Variants in PKD1L3 observed in about 807,000 individuals in gnomAD.
PKD1L3 encodes polycystin 1 like 3, transient receptor potential channel interacting.
In PKD1L3, 239 loss-of-function variants were observed where a neutral mutation model predicts 184.1. The observed-to-expected ratio is 1.30, with a 90% CI of 1.17 to 1.45. The LOEUF is 1.45. Among genes scored for constraint, PKD1L3 ranks in the 40% most tolerant of loss-of-function variants. The pLI is 0.00. For missense variants in PKD1L3, 2,660 were observed against 2,067.2 expected, an observed-to-expected ratio of 1.29 and a Z score of -5.56; for synonymous variants, 996 against 778.8, an observed-to-expected ratio of 1.28 and a Z score of -4.64.
At chr16:71,999,232 C>G (rs2143925703) in intron 1 of PKD1L3, among the ~76,000 whole-genome samples, 1 of 148,184 alleles carries the variant, frequency 6.7e-6, no homozygotes, top group South Asian at 2.1e-4. Context: ...GATGGCACCA[C>G]TGCACTCCAG....
At chr16:71,973,637 A>G (rs2039806390) in intron 11 of PKD1L3, 120 bp from the exon 12 acceptor site, 2 of 946,110 alleles carry the variant, frequency 2.1e-6, no homozygotes, top group Non-Finnish European at 3.1e-6. Flanking sequence ...AACTAGAGTC[A>G]CAAATGATTT....
chr16:71,954,560 TA>T (rs1266673803), intron 16 of PKD1L3, among the ~76,000 whole-genome samples: 1 of 152,214 alleles, frequency 6.6e-6, no homozygotes, highest in Non-Finnish European at 1.5e-5. Context: ...TATGCGAGTT[TA>T]AAATTAAAAA....
intron 16 of PKD1L3, among the ~76,000 whole-genome samples, chr16:71,955,422 G>A (rs1431085038): frequency 6.6e-6 from 1 of 152,024 alleles, no homozygotes; most frequent in Non-Finnish European, 1.5e-5. Flanking sequence ...GGGCTACAGA[G>A]AGACTCCATC....
chr16:71,949,703 A>G (rs1961158635), intron 21 of PKD1L3, 80 bp downstream of exon 21: 1 of 1,270,704 alleles, frequency 7.9e-7, no homozygotes, highest in Non-Finnish European at 1.1e-6. Flanking sequence ...CAAAACCACT[A>G]GGCACCTTGG....
At position 71,984,845 on chromosome 16, in the gene PKD1L3, C is replaced by T. The variant is rs146616995; in HGVS notation, c.835-678G>A. Among the ~76,000 whole-genome samples the T allele has an allele frequency of 3.2e-3, 486 of 152,088 alleles. 1 individual carries two copies. Among genetic ancestry groups the T allele is most frequent in the Non-Finnish European group, 4.8e-3 (326 of 67,980 alleles). On this transcript the variant is annotated intron_variant, in intron 5 of 29. Transcript: ENST00000620267. Reference sequence around the variant, plus strand: ...CTGCACTCCAGCCTGGGCGACAGATCGAGAATCTGTCTCAAAAAAAGAGTC... The same window carrying T: ...CTGCACTCCAGCCTGGGCGACAGATTGAGAATCTGTCTCAAAAAAAGAGTC...
rs1166639793 is a variant in PKD1L3 at position 71,977,390 on chromosome 16, T to C, written c.1605A>G (p.Thr535=). The C allele has an allele frequency of 6.4e-7, 1 of 1,551,580 alleles. No homozygotes were observed. Among genetic ancestry groups the C allele is most frequent in the African/African-American group, 1.4e-5 (1 of 73,156 alleles). ...ATTTCTCCAAGGAAGTGACGTTCAC[T>C]GTGATTGTAAGCTGATGTGTGCTCA... ...LNMSTHQLTI[T]VNVTSLEKSL... is the part of the protein sequence containing the mutation. Residue 535 remains threonine, a synonymous_variant, in exon 11 of 30, where the codon ACA becomes ACG. Coordinates refer to ENST00000620267, the MANE Select transcript of PKD1L3 (RefSeq NM_181536.2).
In PKD1L3 at chr16:71,991,654, G is replaced by A. The variant is rs145508738; in HGVS notation, c.536-1325C>T. On this transcript the variant is annotated intron_variant, in intron 3 of 29. Coordinates refer to ENST00000620267, the MANE Select transcript of PKD1L3 (RefSeq NM_181536.2). Reference sequence around the variant, plus strand: ...AGGGTAGGAAGCAGCAATATGGCACGTAGATATCTGGTATTTCCTAAGGAC... The same window carrying A: ...AGGGTAGGAAGCAGCAATATGGCACATAGATATCTGGTATTTCCTAAGGAC... Among the ~76,000 whole-genome samples, 488 of 152,292 alleles carry A rather than the reference G, an allele frequency of 3.2e-3. 3 individuals carry two copies. Among genetic ancestry groups the A allele is most frequent in the African/African-American group, 0.01 (418 of 41,568 alleles).
At chr16:71,954,390 CAT>C (rs1389013221) in intron 16 of PKD1L3, 89 bp from the exon 17 acceptor site, 10 of 973,502 alleles carry the variant, frequency 1.0e-5, no homozygotes, top group African/African-American at 1.7e-5. Context: ...CAACAAGCGA[CAT>C]AGCAACTCCC....
chr16:71,953,231 C>A, intron 17 of PKD1L3, 138 bp from the exon 18 acceptor site: 2 of 731,312 alleles, frequency 2.7e-6, no homozygotes, highest in Non-Finnish European at 4.2e-6. Context: ...GCAGTAAAGA[C>A]CATGTTGTGT....
intron 15 of PKD1L3, among the ~76,000 whole-genome samples, chr16:71,966,398 T>C (rs960519719): frequency 2.6e-5 from 4 of 151,556 alleles, no homozygotes; most frequent in Non-Finnish European, 4.4e-5. Context: ...ATACAGTAAT[T>C]CTTTCTCCTT....
At chr16:71,932,988 C>CT (rs2038040223) in intron 28 of PKD1L3, among the ~76,000 whole-genome samples, 1 of 151,862 alleles carries the variant, frequency 6.6e-6, no homozygotes, top group African/African-American at 2.4e-5. Flanking sequence ...GACAAAGTCT[C>CT]TATGTTGCCC....
At position 71,929,543 on chromosome 16, in the gene PKD1L3, GT is replaced by G. The variant is rs2037842412; in HGVS notation, c.5193del (p.Pro1732LeufsTer?). 6.4e-7 allele frequency: 1 copy of G among 1,550,604 alleles called. No individual in the cohort carries two copies. On this transcript the variant is annotated frameshift_variant, in exon 30 of 30. Coordinates refer to ENST00000620267, the MANE Select transcript of PKD1L3 (RefSeq NM_181536.2). LOFTEE classifies it high-confidence loss of function. The part of the protein sequence containing the change: ...VGSDTEVLDE[L>X]P ...CCAAGTAGGAGATAACAGGATTAAG[GT>G]AGTTCATCTAAAACTTCAGTGTCAC...
intron 2 of PKD1L3, among the ~76,000 whole-genome samples, chr16:71,994,550 G>A (rs562558974): frequency 6.6e-6 from 1 of 151,856 alleles, no homozygotes; most frequent in Non-Finnish European, 1.5e-5. Context: ...TATTTCTTCT[G>A]CCTTAAAAAA....
chr16:71,981,980 G>A (rs117325358), intron 7 of PKD1L3, 79 bp downstream of exon 7: 14,404 of 1,348,260 alleles, frequency 0.011, 93 homozygotes, highest in Non-Finnish European at 0.012. Flanking sequence ...AAAGGTCTGG[G>A]GAGAGGCTGT....
chr16:71,942,770 T>C lies in PKD1L3; in HGVS notation c.4114A>G (p.Thr1372Ala). The change falls in exon 24 of 30, where the codon ACC (threonine) becomes GCC (alanine). Residue 1372 changes from threonine to alanine, a missense_variant. Coordinates refer to ENST00000620267, the MANE Select transcript of PKD1L3 (RefSeq NM_181536.2). ...GVQLIFQIPR[T>A]KTYEKVDEGQ... ...TCGTCCACTTTCTCATAGGTCTTGGTACGGGGTATTTGGAAAATTAATTGT... is the reference window on the plus strand; with the variant it reads ...TCGTCCACTTTCTCATAGGTCTTGGCACGGGGTATTTGGAAAATTAATTGT... The C allele has an allele frequency of 1.9e-6, 3 of 1,551,712 alleles. No individual in the cohort carries two copies. Among genetic ancestry groups the C allele is most frequent in the Non-Finnish European group, 2.6e-6 (3 of 1,146,994 alleles).
At chr16:71,948,454 C>G (rs970314106) in intron 21 of PKD1L3, among the ~76,000 whole-genome samples, 12 of 152,250 alleles carry the variant, frequency 7.9e-5, no homozygotes, top group African/African-American at 2.9e-4. Flanking sequence ...CTCCCAACCT[C>G]AAGTGATCTG....
In PKD1L3 at chr16:71,933,938, G is replaced by A. The variant is rs1366647569; in HGVS notation, c.4801C>T (p.Leu1601=). The change falls in exon 27 of 30, where the codon CTG becomes TTG. Residue 1601 remains leucine, a synonymous_variant. Transcript: ENST00000620267. The part of the protein sequence containing the change: ...VVGFLLIILI[L]LTGYAIAFNL... ...ACGGCAATGGCATAGCCTGTCAGCA[G>A]GATTAGGATGATCAGCAGAAAGCCC... 6.4e-7 allele frequency: 1 copy of A among 1,551,458 alleles called. No homozygotes were observed. Among genetic ancestry groups the A allele is most frequent in the Non-Finnish European group, 8.7e-7 (1 of 1,146,924 alleles).
intron 25 of PKD1L3, among the ~76,000 whole-genome samples, chr16:71,935,952 T>C (rs933478442): frequency 3.3e-5 from 5 of 152,006 alleles, no homozygotes; most frequent in African/African-American, 1.2e-4. Flanking sequence ...CATGCCACCA[T>C]GCCCGGCTAA....
chr16:71,933,896 C>T lies in PKD1L3; in HGVS notation c.4824+19G>A, dbSNP rs370886373. 20 of 1,547,792 alleles carry T rather than the reference C, an allele frequency of 1.3e-5. No homozygotes were observed. The African/African-American group carries it at 1.9e-4, about 15-fold the overall frequency. ...ACCACAGCACACGGAGAAGGAGAGA[C>T]AGCAACGTGGGGGCTTACGGCAATG... On this transcript the variant is annotated intron_variant, in intron 27 of 29. Transcript: ENST00000620267.
Sources: allele counts gnomAD v4.1 joint callset (sites outside exome capture counted in the v4.1 genomes callset), GRCh38; gene constraint gnomAD v4.1.1; transcripts MANE v1.5; gene names NCBI Gene and HGNC (gene_info 2026-07-23, HGNC 2026-07-21).